The following DAB1 variants were observed in gnomAD, a reference collection of about 807,000 sequenced individuals.
DAB1 encodes DAB adaptor protein 1.
Under a neutral mutation model 64.6 loss-of-function variants are expected in DAB1, and 15 were observed. The ratio of observed to expected loss-of-function variants is 0.23; its 90% CI spans 0.16 to 0.36. The LOEUF (loss-of-function observed/expected upper bound fraction) is 0.36, where lower values mean the gene tolerates loss of function less well. DAB1 is among the 10% of genes least tolerant of loss of function. DAB1 has a pLI of 1.00. For missense variants in DAB1, 596 were observed against 706.7 expected (o/e 0.84, Z 1.78); for synonymous variants, 235 against 251.9 (o/e 0.93, Z 0.64).
At chr1:57,114,177 C>T (rs1189533372) in intron 4 of DAB1, among the ~76,000 whole-genome samples, 3 of 152,124 alleles carry the variant, frequency 2.0e-5, no homozygotes, top group Non-Finnish European at 4.4e-5. Context: ...TTCAGATGCA[C>T]CAACGTTATA....
intron 7 of DAB1, among the ~76,000 whole-genome samples, chr1:57,562,496 C>G: frequency 6.6e-6 from 1 of 152,226 alleles, no homozygotes; most frequent in South Asian, 2.1e-4. Context: ...GGCAGAATGG[C>G]CTTTTGAAGT....
At chr1:57,157,858 T>C (rs535133800) in intron 2 of DAB1, among the ~76,000 whole-genome samples, 2 of 152,262 alleles carry the variant, frequency 1.3e-5, no homozygotes, top group Admixed American at 6.5e-5. Context: ...TCTCATAAAT[T>C]GTTTTATTTA....
At chr1:57,365,039 A>T (rs189071017) in intron 1 of DAB1, among the ~76,000 whole-genome samples, 1 of 141,148 alleles carries the variant, frequency 7.1e-6, no homozygotes, top group African/African-American at 2.6e-5. Context: ...ATTATTGTTC[A>T]TAAATCATCC....
At chr1:57,214,146 C>CT (rs35305013) in intron 2 of DAB1, among the ~76,000 whole-genome samples, 41,854 of 152,136 alleles carry the variant, frequency 0.28, 7,330 homozygotes, top group Middle Eastern at 0.39. Flanking sequence ...CTTGGAAAGT[C>CT]CAAGATCAAG....
intron 9 of DAB1, among the ~76,000 whole-genome samples, chr1:57,027,191 G>A (rs2100401468): frequency 6.6e-6 from 1 of 152,288 alleles, no homozygotes; most frequent in Middle Eastern, 3.4e-3. Context: ...TCTGGAAAAG[G>A]TCCCACACTC....
At chr1:58,329,602 C>A (rs1341363747) in intron 4 of DAB1, among the ~76,000 whole-genome samples, 2 of 152,150 alleles carry the variant, frequency 1.3e-5, no homozygotes, top group African/African-American at 2.4e-5. Flanking sequence ...AATTGAAAGT[C>A]TGTGACAACC....
chr1:57,495,970 G>T (rs76437633), intron 7 of DAB1, among the ~76,000 whole-genome samples: 1 of 152,062 alleles, frequency 6.6e-6, no homozygotes, highest in Non-Finnish European at 1.5e-5. Flanking sequence ...TTACCAATTT[G>T]GGTAAGACCT....
At chr1:57,841,611 G>A (rs112389471) in intron 1 of DAB1, among the ~76,000 whole-genome samples, 2,036 of 152,346 alleles carry the variant, frequency 0.013, 49 homozygotes, top group African/African-American at 0.047. Flanking sequence ...CTTGGGGCTT[G>A]CACCCTCTGA....
intron 5 of DAB1, among the ~76,000 whole-genome samples, chr1:57,930,192 A>G (rs1235489873): frequency 6.6e-6 from 1 of 152,154 alleles, no homozygotes; most frequent in Non-Finnish European, 1.5e-5. Context: ...AGATCAGTTG[A>G]GTATATTTAT....
At chr1:58,323,742 G>A (rs142050048) in intron 4 of DAB1, among the ~76,000 whole-genome samples, 3,941 of 151,962 alleles carry the variant, frequency 0.026, 193 homozygotes, top group East Asian at 0.22. Flanking sequence ...TGGCTAACAC[G>A]GTGAAACCTC....
chr1:58,400,903 T>C (rs927960954), intron 3 of DAB1, among the ~76,000 whole-genome samples: 6 of 152,144 alleles, frequency 3.9e-5, no homozygotes, highest in Non-Finnish European at 8.8e-5. Context: ...ATGGACAAGG[T>C]GGGTCTTTTA....
At chr1:58,040,581 T>C (rs562210358) in intron 5 of DAB1, among the ~76,000 whole-genome samples, 2 of 152,350 alleles carry the variant, frequency 1.3e-5, no homozygotes, top group South Asian at 4.1e-4. Context: ...ATTTTGACCT[T>C]ATAAAACTGT....
At chr1:57,588,453 A>T (rs560790010) in intron 7 of DAB1, among the ~76,000 whole-genome samples, 1 of 152,318 alleles carries the variant, frequency 6.6e-6, no homozygotes, top group African/African-American at 2.4e-5. Context: ...TGTGATCAAA[A>T]CGATTAATGA....
chr1:58,036,149 T>C (rs1240479070), intron 5 of DAB1, among the ~76,000 whole-genome samples: 1 of 152,218 alleles, frequency 6.6e-6, no homozygotes, highest in African/African-American at 2.4e-5. Context: ...CTAATAGTAA[T>C]AATAGCATTT....
chr1:57,966,292 C>T (rs1305586784), intron 5 of DAB1, among the ~76,000 whole-genome samples: 1 of 152,104 alleles, frequency 6.6e-6, no homozygotes, highest in Non-Finnish European at 1.5e-5. Context: ...TAGACTTGCA[C>T]TTGTTTTGGC....
intron 7 of DAB1, among the ~76,000 whole-genome samples, chr1:57,493,443 C>A (rs1229460147): frequency 6.6e-6 from 1 of 152,156 alleles, no homozygotes; most frequent in East Asian, 1.9e-4. Flanking sequence ...CAAAGTTCAT[C>A]CATGCTGTAG....
intron 5 of DAB1, among the ~76,000 whole-genome samples, chr1:58,122,016 A>G (rs1180064636): frequency 2.6e-5 from 4 of 152,282 alleles, no homozygotes; most frequent in South Asian, 2.1e-4. Flanking sequence ...TGTAGCACCA[A>G]GTCAAGTCAT....
chr1:57,515,517 A>G (rs1390818917), intron 7 of DAB1, among the ~76,000 whole-genome samples: 1 of 152,204 alleles, frequency 6.6e-6, no homozygotes, highest in Non-Finnish European at 1.5e-5. Flanking sequence ...ACCTCAGAGC[A>G]ACAAATATTT....
chr1:58,268,369 T>A (rs902128116), intron 4 of DAB1, among the ~76,000 whole-genome samples: 3 of 152,130 alleles, frequency 2.0e-5, no homozygotes, highest in Non-Finnish European at 4.4e-5. Context: ...TTATAGGTCA[T>A]ATATAATTAT....
Sources: gnomAD v4.1 joint callset for allele counts (sites outside exome capture counted in the v4.1 genomes callset) on GRCh38, gnomAD v4.1.1 for gene constraint, MANE v1.5 for transcripts, NCBI Gene and HGNC (gene_info 2026-07-23, HGNC 2026-07-21) for gene names.